The following BICC1 variants were observed in gnomAD, a reference collection of about 807,000 sequenced individuals.
BICC1 encodes BicC family RNA binding protein 1, also known as protein bicaudal C homolog 1.
A neutral mutation model predicts 111.0 loss-of-function variants in BICC1; 43 were observed. That is an observed-to-expected ratio of 0.39 (90% CI 0.30 to 0.50). BICC1 has a LOEUF of 0.50. Among genes scored for constraint, BICC1 ranks in the 20% least tolerant of loss-of-function variants. The pLI is 0.88. For missense variants in BICC1, 1,091 were observed against 1,203.2 expected, an observed-to-expected ratio of 0.91 and a Z score of 1.38; for synonymous variants, 467 against 434.4, an observed-to-expected ratio of 1.07 and a Z score of -0.93.
intron 2 of BICC1, among the ~76,000 whole-genome samples, chr10:58,696,989 T>G (rs1329493265): frequency 6.6e-6 from 1 of 152,164 alleles, no homozygotes; most frequent in Non-Finnish European, 1.5e-5. Context: ...AACTTGGCAT[T>G]CTCTAATTTA....
chr10:58,677,749 T>C (rs1480162198), intron 2 of BICC1, among the ~76,000 whole-genome samples: 1 of 152,082 alleles, frequency 6.6e-6, no homozygotes, highest in Non-Finnish European at 1.5e-5. Context: ...ATAATTGTCA[T>C]ATTCACCAAG....
At chr10:58,621,318 C>T (rs1216627383) in intron 2 of BICC1, among the ~76,000 whole-genome samples, 1 of 152,216 alleles carries the variant, frequency 6.6e-6, no homozygotes, top group African/African-American at 2.4e-5. Context: ...AAATGTTCTA[C>T]TGGCCAAATA....
chr10:58,599,136 A>T (rs2132065183), intron 1 of BICC1, among the ~76,000 whole-genome samples: 1 of 152,288 alleles, frequency 6.6e-6, no homozygotes, highest in South Asian at 2.1e-4. Flanking sequence ...CTGGCCCAAC[A>T]ATCCCATTAC....
intron 1 of BICC1, among the ~76,000 whole-genome samples, chr10:58,532,257 T>A (rs1319786870): frequency 6.6e-6 from 1 of 151,552 alleles, no homozygotes. Context: ...TGGAATGAGA[T>A]TATATGAGGG....
intron 3 of BICC1, among the ~76,000 whole-genome samples, chr10:58,744,279 G>A (rs12253389): frequency 0.038 from 5,741 of 152,118 alleles, 406 homozygotes; most frequent in African/African-American, 0.13. Context: ...GCAGAAGATT[G>A]CTGTTTTAAT....
chr10:58,669,340 A>G (rs1034938034), intron 2 of BICC1, among the ~76,000 whole-genome samples: 1 of 151,904 alleles, frequency 6.6e-6, no homozygotes, highest in African/African-American at 2.4e-5. Context: ...CATTTAATAA[A>G]CTCTATGTAT....
chr10:58,731,578 T>C (rs1001619043), intron 3 of BICC1, among the ~76,000 whole-genome samples: 4 of 152,194 alleles, frequency 2.6e-5, no homozygotes, highest in African/African-American at 9.7e-5. Context: ...GAGGCTTAAT[T>C]GTCTTGTGGT....
In BICC1 at chr10:58,820,362, C is replaced by T. The variant is rs1378660544; in HGVS notation, c.2695-7C>T. 6.3e-7 allele frequency: 1 copy of T among 1,598,816 alleles called. No homozygotes were observed. The highest frequency in any genetic ancestry group is 8.6e-7 in the Non-Finnish European group (1 of 1,166,946). Reference sequence around the variant, plus strand: ...CATTGGTTATAGATTGACCTTTCTACCCACAGATCGATCTTCAGACATTCC... The same window carrying T: ...CATTGGTTATAGATTGACCTTTCTATCCACAGATCGATCTTCAGACATTCC... On this transcript the variant is annotated splice_region_variant and splice_polypyrimidine_tract_variant and intron_variant, in intron 19 of 20. Coordinates refer to ENST00000373886, the MANE Select transcript of BICC1 (RefSeq NM_001080512.3).
intron 3 of BICC1, among the ~76,000 whole-genome samples, chr10:58,775,378 AAAAAC>A (rs1215901316): frequency 6.6e-6 from 1 of 151,088 alleles, no homozygotes; most frequent in African/African-American, 2.5e-5. Flanking sequence ...TGTCTCAAAA[AAAAAC>A]AAAAAACAAA....
At position 58,796,048 on chromosome 10, in the gene BICC1, A is replaced by T. The variant is rs558903718; in HGVS notation, c.1180-292A>T. Among the ~76,000 whole-genome samples the T allele has an allele frequency of 1.5e-4, 23 of 152,266 alleles. 1 individual carries two copies. The South Asian group carries it at 4.6e-3, about 30-fold the overall frequency. On this transcript the variant is annotated intron_variant, in intron 9 of 20. Transcript: ENST00000373886. ...TTAACTTCACTGAATATGAGTAATG[A>T]TTCCCACCCTATAAGGTTTTGCTGA...
chr10:58,513,723 C>G lies in BICC1; in HGVS notation c.190+390C>G, dbSNP rs567193805. On this transcript the variant is annotated intron_variant, in intron 1 of 20. Coordinates refer to ENST00000373886, the MANE Select transcript of BICC1 (RefSeq NM_001080512.3). ...GACCCTCCCCATTCCCTGGCAGCCT[C>G]GAGTTCTGTCTCTCTCCGTCTGTTT... Among the ~76,000 whole-genome samples, 5 of 152,336 alleles carry G rather than the reference C, an allele frequency of 3.3e-5. No individual in the cohort carries two copies. The South Asian group carries it at 8.3e-4, about 25-fold the overall frequency.
chr10:58,817,893 A>C (rs1263707091), intron 19 of BICC1, among the ~76,000 whole-genome samples, 171 bp downstream of exon 19: 2 of 152,200 alleles, frequency 1.3e-5, no homozygotes, highest in Non-Finnish European at 2.9e-5. Flanking sequence ...TATTTAGTGC[A>C]GCTAGTAAAC....
chr10:58,754,556 A>T (rs1276832790), intron 3 of BICC1, among the ~76,000 whole-genome samples: 1 of 152,194 alleles, frequency 6.6e-6, no homozygotes, highest in Non-Finnish European at 1.5e-5. Flanking sequence ...TTACATTCTG[A>T]TTTCTTCGTA....
intron 2 of BICC1, among the ~76,000 whole-genome samples, chr10:58,655,212 C>G (rs1258558972): frequency 6.1e-5 from 9 of 146,342 alleles, no homozygotes; most frequent in Non-Finnish European, 1.2e-4. Flanking sequence ...TTTTCCAATT[C>G]TGTGAAGAAA....
intron 5 of BICC1, 91 bp downstream of exon 5, chr10:58,787,172 GA>G: frequency 8.5e-7 from 1 of 1,170,608 alleles, no homozygotes; most frequent in South Asian, 1.8e-5. Context: ...TGAGAGGTGA[GA>G]CAAAAAAAAA....
chr10:58,553,800 C>T (rs1156301344), intron 1 of BICC1, among the ~76,000 whole-genome samples: 2 of 151,304 alleles, frequency 1.3e-5, no homozygotes, highest in Non-Finnish European at 2.9e-5. Flanking sequence ...GCTAACACTT[C>T]TTTGTCATTT....
At position 58,727,679 on chromosome 10, in the gene BICC1, C is replaced by A. The variant is rs1431118005; in HGVS notation, c.307+25536C>A. Among the ~76,000 whole-genome samples the A allele has an allele frequency of 3.9e-5, 6 of 152,154 alleles. No individual in the cohort carries two copies. In the East Asian group the frequency reaches 1.2e-3, roughly 29 times the overall value. On this transcript the variant is annotated intron_variant, in intron 3 of 20. Coordinates refer to ENST00000373886, the MANE Select transcript of BICC1 (RefSeq NM_001080512.3). ...CAAAGTTGTACTAAAAAATAGATTT[C>A]TTTTTGTATTGAAAATATAATCTTT...
At chr10:58,519,987 G>A (rs1239838412) in intron 1 of BICC1, among the ~76,000 whole-genome samples, 1 of 152,158 alleles carries the variant, frequency 6.6e-6, no homozygotes, top group Admixed American at 6.5e-5. Flanking sequence ...GTTCAGTGTA[G>A]TTCATGCCTC....
Position 58,789,331 on chromosome 10 carries a change from A to G in BICC1, c.670A>G (p.Asn224Asp), listed in dbSNP as rs535046739. The G allele has an allele frequency of 6.2e-7, 1 of 1,613,984 alleles. No individual in the cohort carries two copies. Among genetic ancestry groups the G allele is most frequent in the Non-Finnish European group, 8.5e-7 (1 of 1,179,956 alleles). Residue 224 changes from asparagine to aspartate, a missense_variant, in exon 7 of 21, where the codon AAT becomes GAT. This residue lies in a region of BICC1 where 843 missense variants were observed against 900.8 expected (regional missense o/e 0.94). Transcript: ENST00000373886. ...AATTCTTCAACCGGTTCCTGATCCT[A>G]ATTCCCCCTCTATTCAGCATATATC... ...AGILQPVPDP[N>D]SPSIQHISQT...
Sources: allele counts gnomAD v4.1 joint callset (sites outside exome capture counted in the v4.1 genomes callset), GRCh38; gene constraint gnomAD v4.1.1; regional missense constraint gnomAD v4.1.1; transcripts MANE v1.5; gene names NCBI Gene and HGNC (gene_info 2026-07-23, HGNC 2026-07-21).